Variants in ATRNL1 observed in about 807,000 individuals in gnomAD.
The protein encoded by ATRNL1 is attractin like 1, also known as attractin-like protein 1.
Under a neutral mutation model 182.7 loss-of-function variants are expected in ATRNL1, and 95 were observed. The observed-to-expected ratio is 0.52, with a 90% CI of 0.44 to 0.62. The LOEUF (loss-of-function observed/expected upper bound fraction) is 0.62. Ranked by LOEUF, ATRNL1 falls within the 20% of genes least tolerant of loss-of-function variation. The probability of loss-of-function intolerance (pLI) is 0.00; values close to 1 mark genes in which losing one functional copy is unlikely to be tolerated. For synonymous variants in ATRNL1, 576 were observed against 568.3 expected, an observed-to-expected ratio of 1.01 and a Z score of -0.19; for missense variants, 1,471 against 1,679.5, an observed-to-expected ratio of 0.88 and a Z score of 2.17.
At chr10:115,851,261 G>A (rs927730430) in intron 28 of ATRNL1, among the ~76,000 whole-genome samples, 26 of 152,126 alleles carry the variant, frequency 1.7e-4, no homozygotes, top group African/African-American at 5.8e-4. Flanking sequence ...CTATGAGCAT[G>A]GTGGATTTCT....
At chr10:115,701,511 AAG>A (rs1946735355) in intron 26 of ATRNL1, among the ~76,000 whole-genome samples, 1 of 151,968 alleles carries the variant, frequency 6.6e-6, no homozygotes, top group South Asian at 2.1e-4. Flanking sequence ...ACAAAACCAA[AAG>A]TTGGTTATTT....
intron 26 of ATRNL1, among the ~76,000 whole-genome samples, chr10:115,697,265 G>A (rs1189460678): frequency 1.3e-5 from 2 of 151,932 alleles, no homozygotes; most frequent in Non-Finnish European, 2.9e-5. Context: ...TTGTAAATTT[G>A]TTTAAAGAAC....
At chr10:115,178,561 C>T (rs1554887247) in intron 8 of ATRNL1, among the ~76,000 whole-genome samples, 2 of 152,126 alleles carry the variant, frequency 1.3e-5, no homozygotes, top group Non-Finnish European at 1.5e-5. Context: ...AATATGTCCC[C>T]TCCAAAATTC....
Position 115,636,148 on chromosome 10 carries a change from A to G in ATRNL1, c.3795+86612A>G, listed in dbSNP as rs186217753. Among the ~76,000 whole-genome samples the G allele has an allele frequency of 2.1e-4, 32 of 152,284 alleles. No homozygotes were observed. The East Asian group carries it at 6.2e-3, about 29-fold the overall frequency. ...TCATCATTTCTGTATTTTCTACTTC[A>G]GTAAAATTTAAATTGTGTTCCGTGC... On this transcript the variant is annotated intron_variant, in intron 26 of 28. Transcript: ENST00000355044.
intron 13 of ATRNL1, among the ~76,000 whole-genome samples, chr10:115,275,413 C>A (rs7082592): frequency 6.6e-6 from 1 of 152,252 alleles, no homozygotes; most frequent in South Asian, 2.1e-4. Flanking sequence ...CAGTGCATAG[C>A]TAGGATTTAG....
At chr10:115,811,246 T>G (rs1950040229) in intron 27 of ATRNL1, among the ~76,000 whole-genome samples, 2 of 152,020 alleles carry the variant, frequency 1.3e-5, no homozygotes, top group Non-Finnish European at 2.9e-5. Context: ...TTTGGCTTAT[T>G]TAGAAGTGTG....
At chr10:115,430,097 A>G (rs1554963689) in intron 21 of ATRNL1, among the ~76,000 whole-genome samples, 1 of 152,144 alleles carries the variant, frequency 6.6e-6, no homozygotes, top group Non-Finnish European at 1.5e-5. Flanking sequence ...AAAGTTTTCC[A>G]TTCTATATAT....
chr10:115,517,984 A>G (rs995405182), intron 24 of ATRNL1, among the ~76,000 whole-genome samples: 2 of 151,902 alleles, frequency 1.3e-5, no homozygotes, highest in African/African-American at 4.8e-5. Flanking sequence ...TAAGTGTTTC[A>G]TAATTCAATA....
At chr10:115,538,593 TAC>T (rs1452164127) in intron 25 of ATRNL1, among the ~76,000 whole-genome samples, 4 of 152,234 alleles carry the variant, frequency 2.6e-5, no homozygotes, top group Non-Finnish European at 4.4e-5. Context: ...ATATTCTGGA[TAC>T]AACTCTTTTG....
At chr10:115,509,184 G>A (rs1237430791) in intron 24 of ATRNL1, among the ~76,000 whole-genome samples, 4 of 151,996 alleles carry the variant, frequency 2.6e-5, no homozygotes, top group Admixed American at 6.6e-5. Context: ...GCCCACTGTT[G>A]AGGCCTACTG....
In ATRNL1 at chr10:115,944,974, G is replaced by T. The variant is rs868916778; in HGVS notation, c.*195G>T. ...TTTATAAAAGTATTGATGGTCACAG[G>T]TGATAAAGTCAGTTTTTACCACTAT... On this transcript the variant is annotated 3_prime_UTR_variant, in exon 29 of 29. Transcript: ENST00000355044. 1 of 487,834 alleles carries T rather than the reference G, an allele frequency of 2.0e-6. No homozygotes were observed. Among genetic ancestry groups the T allele is most frequent in the Non-Finnish European group, 3.3e-6 (1 of 304,612 alleles). The allele number at this position is 487,834 out of a possible 1,614,324, so 30.2% of individuals were successfully genotyped here. A position where few individuals can be genotyped will look rare whatever the true frequency, so the allele number is the denominator to read the frequency against.
intron 19 of ATRNL1, among the ~76,000 whole-genome samples, chr10:115,374,273 T>G (rs1172536323): frequency 6.6e-6 from 1 of 151,782 alleles, no homozygotes; most frequent in Non-Finnish European, 1.5e-5. Flanking sequence ...TCAATTTTGT[T>G]TATCTTTTCA....
chr10:115,345,783 G>A (rs1564936369), intron 19 of ATRNL1, among the ~76,000 whole-genome samples: 1 of 152,088 alleles, frequency 6.6e-6, no homozygotes, highest in African/African-American at 2.4e-5. Flanking sequence ...GGCAACCACT[G>A]CTCTGCTATC....
chr10:115,179,767 T>A (rs1470796344), intron 8 of ATRNL1, among the ~76,000 whole-genome samples: 1 of 152,114 alleles, frequency 6.6e-6, no homozygotes, highest in Non-Finnish European at 1.5e-5. Context: ...CATTTCAGAA[T>A]AGCATGGAAT....
At chr10:115,428,494 T>C (rs936471917) in intron 21 of ATRNL1, among the ~76,000 whole-genome samples, 11 of 152,098 alleles carry the variant, frequency 7.2e-5, no homozygotes, top group Non-Finnish European at 1.6e-4. Flanking sequence ...GCATTCAGTC[T>C]TTTATCATTA....
chr10:115,481,298 TA>T (rs1234313732), intron 24 of ATRNL1, among the ~76,000 whole-genome samples: 5 of 150,608 alleles, frequency 3.3e-5, no homozygotes, highest in African/African-American at 1.2e-4. Context: ...ATTTTTGTTT[TA>T]AAAAAGAGCA....
At chr10:115,337,902 C>G (rs1554937204) in intron 19 of ATRNL1, among the ~76,000 whole-genome samples, 1 of 152,064 alleles carries the variant, frequency 6.6e-6, no homozygotes, top group African/African-American at 2.4e-5. Context: ...ACTATTCTAC[C>G]TCAGATCATC....
At chr10:115,627,313 T>C (rs1592970336) in intron 26 of ATRNL1, among the ~76,000 whole-genome samples, 1 of 152,202 alleles carries the variant, frequency 6.6e-6, no homozygotes, top group East Asian at 1.9e-4. Context: ...TGTGTTTGGC[T>C]TCTTTCACTT....
intron 28 of ATRNL1, among the ~76,000 whole-genome samples, chr10:115,853,007 A>G (rs1385284872): frequency 2.6e-5 from 4 of 152,134 alleles, no homozygotes; most frequent in Admixed American, 6.5e-5. Context: ...CTGACTAGCA[A>G]TGTGACCATG....
Sources: allele counts gnomAD v4.1 joint callset (sites outside exome capture counted in the v4.1 genomes callset), GRCh38; gene constraint gnomAD v4.1.1; transcripts MANE v1.5; gene names NCBI Gene and HGNC (gene_info 2026-07-23, HGNC 2026-07-21).